CIMIP6: variants seen among roughly 807,000 people sequenced by gnomAD.
The protein encoded by CIMIP6 is ciliary microtubule inner protein 6.
chr2:54,354,396 T>C, the CIMIP6 span, among the ~76,000 whole-genome samples: 1 of 152,160 alleles, frequency 6.6e-6, no homozygotes, highest in Non-Finnish European at 1.5e-5. Flanking sequence ...TTGATTAGGT[T>C]GTGGTGACAT....
chr2:54,360,562 A>T, the CIMIP6 span: 1 of 1,480,254 alleles, frequency 6.8e-7, no homozygotes, highest in East Asian at 2.5e-5. Context: ...AATCAGAATA[A>T]ATTACCTTCT....
the CIMIP6 span, among the ~76,000 whole-genome samples, chr2:54,371,024 C>T: frequency 6.6e-6 from 1 of 152,154 alleles, no homozygotes; most frequent in Non-Finnish European, 1.5e-5. Flanking sequence ...CTTTGTAATT[C>T]AGGAAAAATT....
At chr2:54,359,057 G>A in the CIMIP6 span, 4 of 1,520,450 alleles carry the variant, frequency 2.6e-6, no homozygotes, top group African/African-American at 2.8e-5. Flanking sequence ...AACTCCGAAT[G>A]AGCCTCTCCA....
the CIMIP6 span, among the ~76,000 whole-genome samples, chr2:54,377,236 C>T: frequency 2.0e-5 from 3 of 152,122 alleles, no homozygotes; most frequent in Non-Finnish European, 4.4e-5. Flanking sequence ...CAATTTCCGT[C>T]GTGTAGCTAC....
chr2:54,342,500 GCTGACT>G, the CIMIP6 span, among the ~76,000 whole-genome samples: 1,013 of 151,830 alleles, frequency 6.7e-3, 9 homozygotes, highest in African/African-American at 0.023. Flanking sequence ...CTTCTGACAA[GCTGACT>G]CCATTAATTA....
the CIMIP6 span, among the ~76,000 whole-genome samples, chr2:54,349,054 G>A: frequency 3.9e-5 from 6 of 152,208 alleles, no homozygotes; most frequent in African/African-American, 9.6e-5. Context: ...GGGGTATTTC[G>A]TACTTAAATA....
the CIMIP6 span, among the ~76,000 whole-genome samples, chr2:54,346,220 T>C: frequency 6.6e-6 from 1 of 152,172 alleles, no homozygotes; most frequent in Non-Finnish European, 1.5e-5. Flanking sequence ...ACAGAATGTA[T>C]CTTAGCAGCT....
the CIMIP6 span, among the ~76,000 whole-genome samples, chr2:54,348,148 A>G: frequency 6.6e-6 from 1 of 152,234 alleles, no homozygotes; most frequent in African/African-American, 2.4e-5. Context: ...ATATTGGTTC[A>G]GTATTAAACT....
chr2:54,335,097 A>G, the CIMIP6 span: 2 of 1,208,260 alleles, frequency 1.7e-6, no homozygotes, highest in Non-Finnish European at 2.3e-6. Context: ...ATTTGGTCAC[A>G]GACTATAAAG....
At chr2:54,366,365 T>C in the CIMIP6 span, among the ~76,000 whole-genome samples, 2 of 152,210 alleles carry the variant, frequency 1.3e-5, no homozygotes, top group Non-Finnish European at 2.9e-5. Flanking sequence ...CACACCTGGA[T>C]GGCCTAATCT....
chr2:54,377,205 AG>A, the CIMIP6 span, among the ~76,000 whole-genome samples: 1 of 152,174 alleles, frequency 6.6e-6, no homozygotes, highest in Admixed American at 6.5e-5. Flanking sequence ...GAAAAACAAC[AG>A]CCTGATTCGT....
chr2:54,348,784 A>G, the CIMIP6 span, among the ~76,000 whole-genome samples: 1 of 152,240 alleles, frequency 6.6e-6, no homozygotes, highest in African/African-American at 2.4e-5. Context: ...ATACCAATTA[A>G]AAGTCATCTC....
chr2:54,360,465 G>A, the CIMIP6 span: 14 of 1,581,264 alleles, frequency 8.9e-6, no homozygotes, highest in African/African-American at 5.4e-5. Flanking sequence ...ACTCCTGAGA[G>A]CAGAGAAAAG....
chr2:54,330,991 G>A, the CIMIP6 span: 1 of 1,613,742 alleles, frequency 6.2e-7, no homozygotes, highest in South Asian at 1.1e-5. Flanking sequence ...GGAAAAGGAA[G>A]ATAAGCATCA....
At chr2:54,332,594 C>G in the CIMIP6 span, among the ~76,000 whole-genome samples, 22 of 152,362 alleles carry the variant, frequency 1.4e-4, no homozygotes, top group Non-Finnish European at 5.9e-5. Flanking sequence ...GTGTTTTTAT[C>G]TGTGCTTTTC....
the CIMIP6 span, among the ~76,000 whole-genome samples, chr2:54,376,151 T>C: frequency 2.0e-5 from 3 of 151,790 alleles, no homozygotes; most frequent in African/African-American, 7.2e-5. Context: ...TCCTCCTGCC[T>C]CAGCCTCCTG....
At chr2:54,345,292 G>T in the CIMIP6 span, among the ~76,000 whole-genome samples, 1 of 152,250 alleles carries the variant, frequency 6.6e-6, no homozygotes, top group East Asian at 1.9e-4. Flanking sequence ...GTAAAAATGG[G>T]ACAAGGCAAA....
chr2:54,362,025 A>T, the CIMIP6 span, among the ~76,000 whole-genome samples: 1 of 152,194 alleles, frequency 6.6e-6, no homozygotes, highest in African/African-American at 2.4e-5. Context: ...TGGATAGTGA[A>T]TAAACTCCTT....
the CIMIP6 span, among the ~76,000 whole-genome samples, chr2:54,380,097 T>C: frequency 6.6e-6 from 1 of 151,706 alleles, no homozygotes. Flanking sequence ...GGAGCCAAGA[T>C]CACTCCACTG....
Sources: allele counts gnomAD v4.1 joint callset (sites outside exome capture counted in the v4.1 genomes callset), GRCh38; gene constraint gnomAD v4.1.1; transcripts MANE v1.5; gene names NCBI Gene and HGNC (gene_info 2026-07-23, HGNC 2026-07-21).